The following TENM3 variants were observed in gnomAD, a reference collection of about 807,000 sequenced individuals.
TENM3 encodes the protein teneurin transmembrane protein 3.
A neutral mutation model predicts 255.1 loss-of-function variants in TENM3; 63 were observed. The observed-to-expected ratio is 0.25, with a 90% confidence interval of 0.20 to 0.30. TENM3 has a LOEUF of 0.30. TENM3 is among the 10% of genes least tolerant of loss of function. The probability of loss-of-function intolerance (pLI) is 1.00; values close to 1 mark genes in which losing one functional copy is unlikely to be tolerated. For synonymous variants in TENM3, 1,306 were observed against 1,322.3 expected (o/e 0.99, Z 0.27); for missense variants, 2,929 against 3,461.1 (o/e 0.85, Z 3.86).
the TENM3 span, among the ~76,000 whole-genome samples, chr4:181,553,473 G>A: frequency 6.6e-6 from 1 of 151,868 alleles, no homozygotes; most frequent in Non-Finnish European, 1.5e-5. Flanking sequence ...GCGGAGTCTG[G>A]CTCTGTCGCC....
chr4:181,777,042 C>A, the TENM3 span, among the ~76,000 whole-genome samples: 1 of 152,086 alleles, frequency 6.6e-6, no homozygotes, highest in African/African-American at 2.4e-5. Context: ...ATGCTTCCTT[C>A]TAGTAGTTTT....
At position 182,673,076 on chromosome 4, in the gene TENM3, A is replaced by G. The variant is rs779909135; in HGVS notation, c.1183A>G (p.Ile395Val). 1 of 1,612,106 alleles carries G rather than the reference A, an allele frequency of 6.2e-7. No homozygotes were observed. The highest frequency in any genetic ancestry group is 8.5e-7 in the Non-Finnish European group (1 of 1,178,914). ...AGAACTTGATATTGGCCGAAGAGCA[A>G]TTCAAGAGATTCCTCCCGGGATCTT... ...SGELDIGRRA[I>V]QEIPPGIFWR... Residue 395 changes from isoleucine (I) to valine (V), a missense_variant, in exon 7 of 28, where the codon ATT becomes GTT. Physicochemically the swap from Ile to Val is conservative, Grantham distance 29. Transcript: ENST00000511685.
At chr4:182,379,982 G>A (rs1404582923) in intron 3 of TENM3, among the ~76,000 whole-genome samples, 1 of 152,100 alleles carries the variant, frequency 6.6e-6, no homozygotes, top group Non-Finnish European at 1.5e-5. Flanking sequence ...CAAAAGACTA[G>A]TGCAGGATGG....
the TENM3 span, among the ~76,000 whole-genome samples, chr4:182,096,327 A>G: frequency 6.6e-6 from 1 of 152,274 alleles, no homozygotes. Flanking sequence ...GTTTAAATCC[A>G]TGGGTTTGCA....
intron 7 of TENM3, among the ~76,000 whole-genome samples, chr4:182,679,075 G>A (rs1168395958): frequency 6.6e-6 from 1 of 152,080 alleles, no homozygotes; most frequent in African/African-American, 2.4e-5. Context: ...CAGGGGCTAG[G>A]GGAGGGATAG....
chr4:182,484,669 G>A (rs924539544), intron 3 of TENM3, among the ~76,000 whole-genome samples: 4 of 152,096 alleles, frequency 2.6e-5, no homozygotes, highest in Admixed American at 6.6e-5. Flanking sequence ...AAAAGCTGTC[G>A]TGTTATTTCT....
intron 1 of TENM3, among the ~76,000 whole-genome samples, chr4:182,296,526 C>T (rs533765420): frequency 3.3e-5 from 5 of 152,076 alleles, no homozygotes; most frequent in Admixed American, 6.6e-5. Flanking sequence ...ATTTACTGGA[C>T]GCTAATTGGC....
At chr4:182,150,263 G>A (rs1284757715) in intron 1 of TENM3, among the ~76,000 whole-genome samples, 1 of 151,738 alleles carries the variant, frequency 6.6e-6, no homozygotes, top group African/African-American at 2.4e-5. Context: ...GAGAGAAAGA[G>A]GAGAAAATAG....
the TENM3 span, among the ~76,000 whole-genome samples, chr4:181,948,505 T>C: frequency 6.6e-6 from 1 of 152,150 alleles, no homozygotes; most frequent in African/African-American, 2.4e-5. Context: ...AACCTCCACC[T>C]CCCAGGTTCA....
the TENM3 span, among the ~76,000 whole-genome samples, chr4:181,772,861 G>A: frequency 3.3e-5 from 5 of 151,608 alleles, no homozygotes; most frequent in African/African-American, 4.9e-5. Context: ...ATATCATGAG[G>A]TCACCTAGAA....
At position 182,335,271 on chromosome 4, in the gene TENM3, G is replaced by A. The variant is rs1413378435; in HGVS notation, c.232+11019G>A. Among the ~76,000 whole-genome samples the A allele has an allele frequency of 5.7e-5, 8 of 140,472 alleles. No individual in the cohort carries two copies. In the South Asian group the frequency reaches 1.9e-3, roughly 33 times the overall value. 92.2% of individuals were successfully genotyped at this position (140,472 alleles called of 152,430 possible). On this transcript the variant is annotated intron_variant, in intron 2 of 27. Coordinates refer to ENST00000511685, the MANE Select transcript of TENM3 (RefSeq NM_001080477.4). ...CCCAGCACTTTGGGAGGCTGAGGCG[G>A]GCGGATCACGAGGTCAGGAGATCGA...
chr4:182,440,562 C>T (rs1224181360), intron 3 of TENM3, among the ~76,000 whole-genome samples: 2 of 152,156 alleles, frequency 1.3e-5, no homozygotes, highest in African/African-American at 4.8e-5. Context: ...GGTGATGGTT[C>T]TCAGCTACCT....
the TENM3 span, among the ~76,000 whole-genome samples, chr4:181,531,903 A>C: frequency 2.0e-4 from 31 of 152,288 alleles, no homozygotes; most frequent in South Asian, 5.4e-3. Context: ...GGTACCGTGC[A>C]CTTAGACCAT....
At chr4:182,246,656 A>G (rs1198755704) in intron 1 of TENM3, among the ~76,000 whole-genome samples, 2 of 152,190 alleles carry the variant, frequency 1.3e-5, no homozygotes, top group African/African-American at 4.8e-5. Flanking sequence ...CAAATGGGCT[A>G]TGTCTGCCAG....
chr4:181,968,436 G>A, the TENM3 span, among the ~76,000 whole-genome samples: 2 of 152,208 alleles, frequency 1.3e-5, no homozygotes, highest in African/African-American at 4.8e-5. Context: ...GGACCTCGGG[G>A]TTAGGAAGCT....
At chr4:181,743,964 C>G in the TENM3 span, among the ~76,000 whole-genome samples, 2 of 151,976 alleles carry the variant, frequency 1.3e-5, no homozygotes, top group Non-Finnish European at 2.9e-5. Flanking sequence ...TTGATGTTCT[C>G]CCTCCCCTCC....
At position 182,178,188 on chromosome 4, in the gene TENM3, T is replaced by G. The variant is rs575418232; in HGVS notation, c.-76+33434T>G. On this transcript the variant is annotated intron_variant, in intron 1 of 2. Transcript: ENST00000512480. Reference sequence around the variant, plus strand: ...ATTGCCCATCTATAACTCAAACTTCTATGCCTTTAATAACACCAAATGTCT... The same window carrying G: ...ATTGCCCATCTATAACTCAAACTTCGATGCCTTTAATAACACCAAATGTCT... 2.0e-5 allele frequency among the ~76,000 whole-genome samples: 3 copies of G among 152,322 alleles called. No homozygotes were observed. In the East Asian group the frequency reaches 5.8e-4, roughly 29 times the overall value.
At chr4:181,796,312 G>C in the TENM3 span, among the ~76,000 whole-genome samples, 1 of 152,162 alleles carries the variant, frequency 6.6e-6, no homozygotes, top group African/African-American at 2.4e-5. Context: ...TCACTAGAGG[G>C]CACATTCATG....
the TENM3 span, among the ~76,000 whole-genome samples, chr4:181,661,685 G>A: frequency 6.6e-6 from 1 of 152,048 alleles, no homozygotes; most frequent in East Asian, 1.9e-4. Context: ...GTTATCCTGG[G>A]AGGTGCGGTT....
Sources: allele counts gnomAD v4.1 joint callset (sites outside exome capture counted in the v4.1 genomes callset), GRCh38; gene constraint gnomAD v4.1.1; transcripts MANE v1.5; gene names NCBI Gene and HGNC (gene_info 2026-07-23, HGNC 2026-07-21).